The following PIBF1 variants were observed in gnomAD, a reference collection of about 807,000 sequenced individuals.
The protein encoded by PIBF1 is progesterone immunomodulatory binding factor 1.
In PIBF1, 90 loss-of-function variants were observed where a neutral mutation model predicts 112.5. The ratio of observed to expected loss-of-function variants is 0.80; its 90% CI spans 0.67 to 0.95. The LOEUF (loss-of-function observed/expected upper bound fraction) is 0.95, where lower values mean the gene tolerates loss of function less well. Ranked by LOEUF, PIBF1 falls within the 40% of genes least tolerant of loss-of-function variation. The pLI, the probability that PIBF1 is intolerant of heterozygous loss-of-function variation, is 0.00. For synonymous variants in PIBF1, 301 were observed against 288.6 expected (o/e 1.04, Z -0.44); for missense variants, 915 against 852.3 (o/e 1.07, Z -0.92).
chr13:72,811,929 T>C (rs2036042771), intron 5 of PIBF1, among the ~76,000 whole-genome samples: 1 of 152,230 alleles, frequency 6.6e-6, no homozygotes. Context: ...GCTGATTGTT[T>C]TATACATGCT....
At chr13:72,838,882 C>G (rs1391869826) in intron 9 of PIBF1, among the ~76,000 whole-genome samples, 1 of 152,096 alleles carries the variant, frequency 6.6e-6, no homozygotes, top group African/African-American at 2.4e-5. Context: ...ATATAAAAGC[C>G]TGAAAGTAGG....
chr13:72,909,874 T>C (rs1469852553), intron 12 of PIBF1, among the ~76,000 whole-genome samples: 1 of 152,196 alleles, frequency 6.6e-6, no homozygotes, highest in Non-Finnish European at 1.5e-5. Context: ...CTGTTTTCCT[T>C]TTTTCTTGTT....
intron 10 of PIBF1, among the ~76,000 whole-genome samples, chr13:72,856,301 T>G (rs144189218): frequency 6.6e-6 from 1 of 152,190 alleles, no homozygotes; most frequent in Non-Finnish European, 1.5e-5. Flanking sequence ...CAAGTTGATA[T>G]CTTTCCAACG....
At chr13:72,863,422 T>C (rs906172391) in intron 10 of PIBF1, among the ~76,000 whole-genome samples, 1 of 151,500 alleles carries the variant, frequency 6.6e-6, no homozygotes, top group Non-Finnish European at 1.5e-5. Context: ...GAGGCCAAGG[T>C]GGGCGGATCA....
intron 16 of PIBF1, among the ~76,000 whole-genome samples, chr13:72,977,188 GTTTTGTT>G (rs1201142770): frequency 8.6e-5 from 1 of 11,664 alleles, no homozygotes; most frequent in Non-Finnish European, 1.5e-4. Context: ...GTGTTGTTTT[GTTTTGTT>G]TTGTTTTGTT....
intron 11 of PIBF1, among the ~76,000 whole-genome samples, chr13:72,903,328 C>T (rs1252301021): frequency 6.6e-6 from 1 of 152,140 alleles, no homozygotes; most frequent in Non-Finnish European, 1.5e-5. Flanking sequence ...GAACCTGGCA[C>T]ATAGTTAATT....
chr13:72,860,636 A>G (rs1280703516), intron 10 of PIBF1, among the ~76,000 whole-genome samples: 2 of 152,090 alleles, frequency 1.3e-5, no homozygotes, highest in Admixed American at 6.5e-5. Context: ...TTTTCTAGTC[A>G]GGTATAATTT....
intron 12 of PIBF1, among the ~76,000 whole-genome samples, chr13:72,916,469 A>G (rs1436807839): frequency 6.6e-6 from 1 of 151,476 alleles, no homozygotes; most frequent in Non-Finnish European, 1.5e-5. Flanking sequence ...TTTTTTACCC[A>G]GAAGATGTTA....
intron 13 of PIBF1, among the ~76,000 whole-genome samples, chr13:72,928,528 C>T (rs1258491972): frequency 6.6e-6 from 1 of 152,178 alleles, no homozygotes; most frequent in African/African-American, 2.4e-5. Flanking sequence ...CAACCTCCGC[C>T]TCCCAGGTTC....
chr13:72,855,574 A>T (rs925884743), intron 10 of PIBF1, among the ~76,000 whole-genome samples: 1 of 152,086 alleles, frequency 6.6e-6, no homozygotes, highest in Non-Finnish European at 1.5e-5. Flanking sequence ...ACTTGAACCC[A>T]GGAGGCAGAG....
At chr13:72,941,754 A>T (rs2042015292) in intron 14 of PIBF1, among the ~76,000 whole-genome samples, 1 of 152,208 alleles carries the variant, frequency 6.6e-6, no homozygotes, top group South Asian at 2.1e-4. Flanking sequence ...ATATGTATTA[A>T]CTTTGAAAGA....
chr13:72,835,218 GGTT>G (rs772082424), intron 8 of PIBF1, 22 bp from the exon 9 acceptor site: 6 of 1,509,414 alleles, frequency 4.0e-6, no homozygotes, highest in East Asian at 4.8e-5. Context: ...GAAAATTTAT[GGTT>G]GTTCCTTTTC....
At chr13:72,822,712 A>G (rs1056559679) in intron 6 of PIBF1, among the ~76,000 whole-genome samples, 1 of 152,258 alleles carries the variant, frequency 6.6e-6, no homozygotes, top group Non-Finnish European at 1.5e-5. Context: ...AAATGAATGA[A>G]TGATTTAAAT....
intron 16 of PIBF1, among the ~76,000 whole-genome samples, chr13:72,980,896 T>G (rs2043140669): frequency 6.6e-6 from 1 of 151,810 alleles, no homozygotes; most frequent in Non-Finnish European, 1.5e-5. Flanking sequence ...TAGGCAATCC[T>G]TAGAATATTT....
intron 16 of PIBF1, among the ~76,000 whole-genome samples, chr13:72,990,377 C>T (rs1370379061): frequency 6.8e-6 from 1 of 146,988 alleles, no homozygotes; most frequent in Non-Finnish European, 1.5e-5. Context: ...AAAAATTAGC[C>T]AGGTATGGTG....
At chr13:72,800,765 G>T (rs1395442423) in intron 5 of PIBF1, among the ~76,000 whole-genome samples, 3 of 152,202 alleles carry the variant, frequency 2.0e-5, no homozygotes, top group African/African-American at 7.2e-5. Context: ...TTTTAAAAGG[G>T]AAAACAATAG....
intron 14 of PIBF1, among the ~76,000 whole-genome samples, chr13:72,935,725 A>G (rs1425480939): frequency 6.6e-6 from 1 of 152,140 alleles, no homozygotes; most frequent in Non-Finnish European, 1.5e-5. Context: ...TTTATCCACT[A>G]TAATGGGTGT....
intron 10 of PIBF1, among the ~76,000 whole-genome samples, chr13:72,869,636 T>A (rs2039077469): frequency 6.6e-6 from 1 of 151,406 alleles, no homozygotes; most frequent in Non-Finnish European, 1.5e-5. Context: ...AAAAAATAAA[T>A]AATAAAAAAA....
chr13:72,971,722 A>G (rs926049247), intron 15 of PIBF1, among the ~76,000 whole-genome samples: 1 of 152,196 alleles, frequency 6.6e-6, no homozygotes, highest in African/African-American at 2.4e-5. Flanking sequence ...TTACAGATAT[A>G]AAAACTGAGG....
Sources: gnomAD v4.1 joint callset for allele counts (sites outside exome capture counted in the v4.1 genomes callset) on GRCh38, gnomAD v4.1.1 for gene constraint, MANE v1.5 for transcripts, NCBI Gene and HGNC (gene_info 2026-07-23, HGNC 2026-07-21) for gene names.